Variants in FIRRM observed in about 807,000 individuals in gnomAD.
FIRRM encodes the protein FIGNL1-interacting regulator of recombination and mitosis.
the FIRRM span, among the ~76,000 whole-genome samples, chr1:169,844,849 A>G: frequency 6.6e-6 from 1 of 152,216 alleles, no homozygotes; most frequent in East Asian, 1.9e-4. Context: ...CCTTTATAAA[A>G]GATTTCACCT....
At chr1:169,852,415 A>G in the FIRRM span, 184 of 267,922 alleles carry the variant, frequency 6.9e-4, no homozygotes, top group African/African-American at 4.0e-3. Context: ...GTATAGTAGT[A>G]ATTCATGAAG....
chr1:169,826,984 G>T, the FIRRM span: 1 of 1,440,756 alleles, frequency 6.9e-7, no homozygotes. Flanking sequence ...TCAGTTTATA[G>T]TACTTACTCT....
chr1:169,849,550 CA>C, the FIRRM span: 4 of 1,614,050 alleles, frequency 2.5e-6, no homozygotes, highest in Middle Eastern at 5.0e-4. Context: ...TGCTAGCTGA[CA>C]GGAGTTGGCT....
chr1:169,834,584 C>G, the FIRRM span, among the ~76,000 whole-genome samples: 1 of 152,090 alleles, frequency 6.6e-6, no homozygotes, highest in Non-Finnish European at 1.5e-5. Flanking sequence ...GTCCTTACAG[C>G]AGCCTTGTGG....
the FIRRM span, among the ~76,000 whole-genome samples, chr1:169,844,850 G>A: frequency 0.018 from 2,670 of 152,184 alleles, 79 homozygotes; most frequent in African/African-American, 0.06. Flanking sequence ...CTTTATAAAA[G>A]ATTTCACCTC....
chr1:169,822,335 AC>A, the FIRRM span, among the ~76,000 whole-genome samples: 1 of 152,202 alleles, frequency 6.6e-6, no homozygotes, highest in Non-Finnish European at 1.5e-5. Context: ...GTCATTGGAA[AC>A]CCTTATCTTT....
chr1:169,792,969 C>T, the FIRRM span: 1 of 1,613,838 alleles, frequency 6.2e-7, no homozygotes, highest in East Asian at 2.2e-5. Flanking sequence ...TCATTTACAT[C>T]ATTTTCTTCA....
the FIRRM span, chr1:169,852,709 T>C: frequency 2.0e-5 from 29 of 1,425,496 alleles, 1 homozygote; most frequent in East Asian, 5.7e-4. Context: ...AAAATTTGCA[T>C]GTAAGCTTTA....
chr1:169,792,557 G>T, the FIRRM span: 3 of 1,489,296 alleles, frequency 2.0e-6, no homozygotes, highest in South Asian at 2.9e-5. Context: ...ATTTCATTTT[G>T]GATACTCAGT....
At chr1:169,818,456 T>C in the FIRRM span, among the ~76,000 whole-genome samples, 31 of 152,246 alleles carry the variant, frequency 2.0e-4, no homozygotes, top group African/African-American at 7.2e-4. Flanking sequence ...CACGTCTTTA[T>C]TTTGAAGATA....
chr1:169,835,708 C>T, the FIRRM span, among the ~76,000 whole-genome samples: 1 of 152,104 alleles, frequency 6.6e-6, no homozygotes, highest in African/African-American at 2.4e-5. Flanking sequence ...AATACCTACC[C>T]TTTTATGTTG....
At chr1:169,836,347 G>C in the FIRRM span, among the ~76,000 whole-genome samples, 8 of 152,246 alleles carry the variant, frequency 5.3e-5, no homozygotes, top group African/African-American at 1.9e-4. Flanking sequence ...AACCTAGTAA[G>C]CACTTTGGTT....
At chr1:169,843,904 G>C in the FIRRM span, 1 of 614,836 alleles carries the variant, frequency 1.6e-6, no homozygotes, top group South Asian at 2.0e-5. Flanking sequence ...TCTTCATCAA[G>C]GATATCTCAT....
the FIRRM span, chr1:169,836,903 T>A: frequency 1.3e-6 from 2 of 1,585,670 alleles, no homozygotes; most frequent in Non-Finnish European, 1.7e-6. Context: ...ATGTTACTCT[T>A]CTTTCTTTAA....
At chr1:169,817,059 A>G in the FIRRM span, among the ~76,000 whole-genome samples, 1 of 152,194 alleles carries the variant, frequency 6.6e-6, no homozygotes, top group Non-Finnish European at 1.5e-5. Flanking sequence ...ACAACAGCTC[A>G]AAAGAAGTTT....
At chr1:169,811,860 A>G in the FIRRM span, among the ~76,000 whole-genome samples, 16 of 151,788 alleles carry the variant, frequency 1.1e-4, no homozygotes, top group African/African-American at 2.9e-4. Context: ...TAGATAATAG[A>G]TAGATAGATT....
the FIRRM span, chr1:169,804,280 T>A: frequency 7.7e-7 from 1 of 1,294,950 alleles, no homozygotes; most frequent in Non-Finnish European, 1.0e-6. Context: ...ATGGTGACTA[T>A]AAATCATGTA....
At chr1:169,791,041 C>T in the FIRRM span, among the ~76,000 whole-genome samples, 4 of 152,168 alleles carry the variant, frequency 2.6e-5, no homozygotes, top group South Asian at 8.3e-4. Flanking sequence ...ATAGGGTGTG[C>T]ACTCCCATGA....
At chr1:169,816,281 A>G in the FIRRM span, among the ~76,000 whole-genome samples, 5 of 152,124 alleles carry the variant, frequency 3.3e-5, no homozygotes, top group Admixed American at 6.5e-5. Context: ...TCACATTACC[A>G]TCTCTCTTGT....
Sources: gnomAD v4.1 joint callset for allele counts (sites outside exome capture counted in the v4.1 genomes callset) on GRCh38, gnomAD v4.1.1 for gene constraint, MANE v1.5 for transcripts, NCBI Gene and HGNC (gene_info 2026-07-23, HGNC 2026-07-21) for gene names.